Variants in CTNNA2 observed in about 807,000 individuals in gnomAD.
CTNNA2 encodes the protein catenin alpha 2.
Under a neutral mutation model 101.0 loss-of-function variants are expected in CTNNA2, and 42 were observed. That is an observed-to-expected ratio of 0.42 (90% confidence interval 0.32 to 0.54). CTNNA2 has a LOEUF of 0.54. Ranked by LOEUF, CTNNA2 falls within the 20% of genes least tolerant of loss-of-function variation. CTNNA2 has a pLI of 0.14. For missense variants in CTNNA2, 871 were observed against 1,223.1 expected (o/e 0.71, Z 4.29); for synonymous variants, 450 against 456.4 (o/e 0.99, Z 0.18).
chr2:80,384,875 T>C (rs993648421), intron 7 of CTNNA2, among the ~76,000 whole-genome samples: 5 of 152,010 alleles, frequency 3.3e-5, no homozygotes, highest in Admixed American at 6.6e-5. Context: ...CGGCTTAGTA[T>C]TTTAAGATCT....
intron 7 of CTNNA2, among the ~76,000 whole-genome samples, chr2:79,933,653 C>T (rs1687599020): frequency 6.6e-6 from 1 of 152,080 alleles, no homozygotes; most frequent in African/African-American, 2.4e-5. Context: ...CGGGGTTTCA[C>T]CATGTTGGCC....
intron 3 of CTNNA2, among the ~76,000 whole-genome samples, chr2:79,845,462 C>T (rs372623578): frequency 6.2e-4 from 95 of 152,204 alleles, no homozygotes; most frequent in African/African-American, 2.0e-3. Context: ...ATCAATGGTG[C>T]GCACTAAGAG....
intron 1 of CTNNA2, among the ~76,000 whole-genome samples, chr2:79,574,541 C>A (rs888126384): frequency 6.6e-6 from 1 of 152,130 alleles, no homozygotes. Context: ...CTGCAGAGGA[C>A]ATGATCTCCT....
At chr2:80,180,229 C>T (rs772936098) in intron 7 of CTNNA2, among the ~76,000 whole-genome samples, 3 of 152,130 alleles carry the variant, frequency 2.0e-5, no homozygotes, top group Non-Finnish European at 2.9e-5. Context: ...CCAGTCTCTC[C>T]TTCATTCAAG....
intron 3 of CTNNA2, among the ~76,000 whole-genome samples, chr2:79,360,198 G>T (rs1237474284): frequency 6.6e-6 from 1 of 152,080 alleles, no homozygotes; most frequent in Non-Finnish European, 1.5e-5. Context: ...CAGAATACAT[G>T]GTTCTATCCT....
At chr2:80,023,960 G>A (rs556361368) in intron 7 of CTNNA2, among the ~76,000 whole-genome samples, 62 of 152,098 alleles carry the variant, frequency 4.1e-4, no homozygotes, top group African/African-American at 1.4e-3. Flanking sequence ...GGTGGTGGGC[G>A]CCTGTAGTCC....
intron 3 of CTNNA2, among the ~76,000 whole-genome samples, chr2:79,844,979 T>TACACACAC (rs59885288): frequency 0.026 from 3,615 of 140,188 alleles, 128 homozygotes; most frequent in African/African-American, 0.075. Context: ...GAAAACAAAC[T>TACACACAC]ACACACACAC....
intron 7 of CTNNA2, among the ~76,000 whole-genome samples, chr2:80,226,707 G>C (rs1403974076): frequency 4.6e-5 from 7 of 152,136 alleles, no homozygotes; most frequent in African/African-American, 1.7e-4. Flanking sequence ...CCTGATGGAG[G>C]TCCTGAGTGA....
rs185821418 is a variant in CTNNA2, at chr2:80,090,515, G to A, written c.1056+180718G>A. Among the ~76,000 whole-genome samples, 18 of 152,170 alleles carry A rather than the reference G, an allele frequency of 1.2e-4. No individual in the cohort carries two copies. The East Asian group carries it at 2.5e-3, about 21-fold the overall frequency. The stretch of plus-strand genomic sequence containing the variant: ...TGTTGTTCATTTCTTCTTAGCTTCA[G>A]AGCATGAGGACGCTTGTGAAATACG... On this transcript the variant is annotated intron_variant, in intron 7 of 18. Coordinates refer to ENST00000402739, the MANE Select transcript of CTNNA2 (RefSeq NM_001282597.3).
chr2:80,304,521 G>T lies in CTNNA2; in HGVS notation c.1057-88690G>T. ...CTGGTTAATGTCCGTCATTGGAAAC[G>T]ACCACTGACCGGCGCCACCTTTTAC... On this transcript the variant is annotated intron_variant, in intron 7 of 18. Coordinates refer to ENST00000402739, the MANE Select transcript of CTNNA2 (RefSeq NM_001282597.3). The T allele has an allele frequency of 2.0e-5, 3 of 153,294 alleles. No individual in the cohort carries two copies. The South Asian group carries it at 5.5e-4, about 28-fold the overall frequency. 9.5% of individuals were successfully genotyped at this position (153,294 alleles called of 1,614,324 possible). A position where few individuals can be genotyped will look rare whatever the true frequency, so the allele number is the denominator to read the frequency against.
chr2:79,549,264 A>C (rs1315682068), intron 1 of CTNNA2, among the ~76,000 whole-genome samples: 1 of 152,172 alleles, frequency 6.6e-6, no homozygotes, highest in Non-Finnish European at 1.5e-5. Context: ...GTGGAGCTTT[A>C]TTATTAGTTC....
intron 4 of CTNNA2, among the ~76,000 whole-genome samples, chr2:79,444,039 G>A (rs1235926782): frequency 6.6e-6 from 1 of 151,774 alleles, no homozygotes; most frequent in Non-Finnish European, 1.5e-5. Context: ...GAGGTTCTCA[G>A]GCCACCAGCT....
chr2:80,575,762 T>C (rs1694987087), intron 13 of CTNNA2, among the ~76,000 whole-genome samples: 2 of 151,940 alleles, frequency 1.3e-5, no homozygotes, highest in Admixed American at 6.6e-5. Flanking sequence ...ACTTACTAAT[T>C]CATGAGCTGT....
intron 9 of CTNNA2, among the ~76,000 whole-genome samples, chr2:80,494,602 T>C (rs1687302772): frequency 1.4e-5 from 2 of 138,790 alleles, no homozygotes; most frequent in African/African-American, 5.5e-5. Context: ...TTCAAATATT[T>C]ATTGGGTCAT....
At chr2:79,538,238 T>G in intron 1 of CTNNA2, among the ~76,000 whole-genome samples, 1 of 72,006 alleles carries the variant, frequency 1.4e-5, no homozygotes, top group Admixed American at 1.1e-4. Flanking sequence ...TAAAGATGAT[T>G]ATTCGAAAAA....
At chr2:79,252,775 C>A (rs967186344) in intron 2 of CTNNA2, among the ~76,000 whole-genome samples, 1 of 151,828 alleles carries the variant, frequency 6.6e-6, no homozygotes, top group African/African-American at 2.4e-5. Context: ...CATGCCCCCC[C>A]ATTACTCCCA....
chr2:80,416,599 A>G (rs1468359867), intron 8 of CTNNA2, among the ~76,000 whole-genome samples: 1 of 152,104 alleles, frequency 6.6e-6, no homozygotes, highest in Non-Finnish European at 1.5e-5. Flanking sequence ...AAAATTACAT[A>G]AAATACTTAA....
At chr2:79,647,092 C>A (rs533409562) in intron 1 of CTNNA2, among the ~76,000 whole-genome samples, 3 of 152,120 alleles carry the variant, frequency 2.0e-5, no homozygotes, top group East Asian at 3.9e-4. Context: ...GGCAAACAGA[C>A]GGTATTAATT....
At chr2:79,266,575 G>A (rs1266599525) in intron 2 of CTNNA2, among the ~76,000 whole-genome samples, 1 of 152,036 alleles carries the variant, frequency 6.6e-6, no homozygotes, top group African/African-American at 2.4e-5. Flanking sequence ...TCCAGGAAGG[G>A]ATTTTCAGAA....
Sources: allele counts gnomAD v4.1 joint callset (sites outside exome capture counted in the v4.1 genomes callset), GRCh38; gene constraint gnomAD v4.1.1; transcripts MANE v1.5; gene names NCBI Gene and HGNC (gene_info 2026-07-23, HGNC 2026-07-21).